RORA: variants seen among roughly 807,000 people sequenced by gnomAD.
RORA encodes RAR related orphan receptor A.
In RORA, 7 loss-of-function variants were observed where a neutral mutation model predicts 69.5. The observed-to-expected ratio is 0.10, with a 90% confidence interval of 0.06 to 0.19. The LOEUF is 0.19. Among genes scored for constraint, RORA ranks in the 10% least tolerant of loss-of-function variants. The pLI is 1.00. For synonymous variants in RORA, 261 were observed against 240.8 expected, an observed-to-expected ratio of 1.08 and a Z score of -0.78; for missense variants, 457 against 663.0, an observed-to-expected ratio of 0.69 and a Z score of 3.41.
At position 60,496,078 on chromosome 15, in the gene RORA, TGC is replaced by T. The variant is rs1183637099; in HGVS notation, c.*1375_*1376del. On this transcript the variant is annotated 3_prime_UTR_variant, in exon 11 of 11. Coordinates refer to ENST00000335670, the MANE Select transcript of RORA (RefSeq NM_134261.3). The surrounding 1 kb of genome is among the most constrained non-coding windows in gnomAD (Gnocchi z 4.5). ...TAAGAGAAACTGGTTCAACATTGTATGCTTCCCTCACCCTCCTATCCATCGTT... is the reference window on the plus strand; with the variant it reads ...TAAGAGAAACTGGTTCAACATTGTATTTCCCTCACCCTCCTATCCATCGTT... 7.2e-5 allele frequency: 11 copies of T among 152,316 alleles called. No homozygotes were observed. The highest frequency in any genetic ancestry group is 2.4e-4 in the African/African-American group (10 of 41,574). The allele number at this position is 152,316 out of a possible 1,614,324, so 9.4% of individuals were successfully genotyped here.
rs374433414 is a variant in RORA at position 60,763,065 on chromosome 15, A to ATTTTTTTTTTTTTTTTTTTTTTT, written c.167-84402_167-84380dup. Among the ~76,000 whole-genome samples, 33 of 48,368 alleles carry ATTTTTTTTTTTTTTTTTTTTTTT rather than the reference A, an allele frequency of 6.8e-4. 6 individuals are homozygous for ATTTTTTTTTTTTTTTTTTTTTTT. Among genetic ancestry groups the ATTTTTTTTTTTTTTTTTTTTTTT allele is most frequent in the East Asian group, 6.2e-3 (9 of 1,446 alleles). 31.7% of individuals were successfully genotyped at this position (48,368 alleles called of 152,430 possible). A position where few individuals can be genotyped will look rare whatever the true frequency, so the allele number is the denominator to read the frequency against. On this transcript the variant is annotated intron_variant, in intron 1 of 10. Coordinates refer to ENST00000335670, the MANE Select transcript of RORA (RefSeq NM_134261.3). ...AAAGTACTGTTTCCAATATGCACAG[A>ATTTTTTTTTTTTTTTTTTTTTTT]TTTTTTTTTTTTTTTTTTTTTTTTT...
At chr15:60,806,687 C>A (rs2072664319) in intron 1 of RORA, among the ~76,000 whole-genome samples, 1 of 152,154 alleles carries the variant, frequency 6.6e-6, no homozygotes, top group Non-Finnish European at 1.5e-5. Context: ...GATGGAGAAA[C>A]AACCAACATG....
intron 1 of RORA, among the ~76,000 whole-genome samples, chr15:61,160,981 C>T (rs983258395): frequency 3.3e-5 from 5 of 152,114 alleles, no homozygotes; most frequent in South Asian, 2.1e-4. Context: ...TGTTTGGAGA[C>T]GAGCTCCCAT....
chr15:60,569,695 G>C (rs1202789522), intron 2 of RORA, among the ~76,000 whole-genome samples: 1 of 152,152 alleles, frequency 6.6e-6, no homozygotes, highest in Non-Finnish European at 1.5e-5. Flanking sequence ...GCTCAAAAGG[G>C]TGAATGGCTT....
intron 1 of RORA, among the ~76,000 whole-genome samples, chr15:61,001,030 G>C (rs1054473025): frequency 4.6e-5 from 7 of 152,212 alleles, no homozygotes; most frequent in South Asian, 4.1e-4. Context: ...GTTAGTAAAA[G>C]TATCAAGCAG....
intron 1 of RORA, among the ~76,000 whole-genome samples, chr15:60,930,304 T>C (rs1892338394): frequency 1.3e-5 from 2 of 152,088 alleles, no homozygotes; most frequent in Admixed American, 1.3e-4. Context: ...CCCTATTTAG[T>C]CATTTCTAAA....
At chr15:60,564,328 A>G (rs2067656404) in intron 2 of RORA, among the ~76,000 whole-genome samples, 1 of 152,204 alleles carries the variant, frequency 6.6e-6, no homozygotes, top group Non-Finnish European at 1.5e-5. Flanking sequence ...TGGCATAGAG[A>G]AAAAAATGCA....
chr15:61,081,046 G>GC (rs2140657461), intron 1 of RORA, among the ~76,000 whole-genome samples: 1 of 152,336 alleles, frequency 6.6e-6, no homozygotes, highest in Non-Finnish European at 1.5e-5. Flanking sequence ...AAGTCACAGG[G>GC]CCGACGAATT....
intron 1 of RORA, among the ~76,000 whole-genome samples, chr15:61,156,469 G>A (rs898959526): frequency 2.6e-5 from 4 of 152,270 alleles, no homozygotes; most frequent in East Asian, 3.9e-4. Context: ...GGAAGAGCCA[G>A]TTCCATCAAG....
At chr15:60,908,254 G>T (rs1771503489) in intron 1 of RORA, among the ~76,000 whole-genome samples, 1 of 152,212 alleles carries the variant, frequency 6.6e-6, no homozygotes, top group Non-Finnish European at 1.5e-5. Context: ...TGTGGAGGGG[G>T]CGCTTTTGGT....
chr15:60,677,130 C>G (rs1431617684), intron 2 of RORA: 1 of 455,620 alleles, frequency 2.2e-6, no homozygotes. Flanking sequence ...ACTGAGCTAG[C>G]AGAAAGACTG....
intron 1 of RORA, among the ~76,000 whole-genome samples, chr15:60,683,833 C>A (rs1022793627): frequency 2.0e-5 from 3 of 152,080 alleles, no homozygotes; most frequent in Non-Finnish European, 4.4e-5. Context: ...TCTAATACAG[C>A]AAAAATGCTT....
At chr15:61,170,395 C>G (rs1179282284) in intron 1 of RORA, among the ~76,000 whole-genome samples, 1 of 152,148 alleles carries the variant, frequency 6.6e-6, no homozygotes. Flanking sequence ...GTTTGTGTGT[C>G]CTGTGCTTTT....
chr15:60,861,261 T>C (rs1404258552), intron 1 of RORA, among the ~76,000 whole-genome samples: 1 of 152,052 alleles, frequency 6.6e-6, no homozygotes, highest in Non-Finnish European at 1.5e-5. Context: ...CAATAACATA[T>C]CTCAGAAAAA....
intron 2 of RORA, among the ~76,000 whole-genome samples, chr15:60,607,181 T>C (rs2068966357): frequency 6.6e-6 from 1 of 152,186 alleles, no homozygotes; most frequent in Non-Finnish European, 1.5e-5. Flanking sequence ...CCATTTAGCA[T>C]AGGGGCAAAG....
At chr15:60,855,362 C>T (rs1329034516) in intron 1 of RORA, among the ~76,000 whole-genome samples, 1 of 152,194 alleles carries the variant, frequency 6.6e-6, no homozygotes, top group Non-Finnish European at 1.5e-5. Context: ...ACTTCTGACT[C>T]ACTCCCCAGG....
intron 2 of RORA, among the ~76,000 whole-genome samples, chr15:60,553,582 T>A (rs560834481): frequency 6.6e-6 from 1 of 152,208 alleles, no homozygotes; most frequent in Non-Finnish European, 1.5e-5. Context: ...TATGACACTT[T>A]GGCATGAAGA....
chr15:60,832,639 G>T (rs8041061), intron 1 of RORA, among the ~76,000 whole-genome samples: 59,234 of 151,712 alleles, frequency 0.39, 13,452 homozygotes, highest in Non-Finnish European at 0.51. Flanking sequence ...GTATCTAATT[G>T]CATAGTTTAC....
At chr15:60,913,859 T>C (rs997392560) in intron 1 of RORA, among the ~76,000 whole-genome samples, 1 of 152,224 alleles carries the variant, frequency 6.6e-6, no homozygotes, top group Non-Finnish European at 1.5e-5. Context: ...TTGAAAATTA[T>C]CTTTCCTGTT....
Sources: gnomAD v4.1 joint callset for allele counts (sites outside exome capture counted in the v4.1 genomes callset) on GRCh38, gnomAD v4.1.1 for gene constraint, Gnocchi (gnomAD v3.1) non-coding constraint, MANE v1.5 for transcripts, NCBI Gene and HGNC (gene_info 2026-07-23, HGNC 2026-07-21) for gene names.